PTPRD: variants seen among roughly 807,000 people sequenced by gnomAD.
PTPRD encodes the protein protein tyrosine phosphatase receptor type D.
PTPRD carries 34 observed loss-of-function variants against 214.5 expected under a neutral mutation model. The observed-to-expected ratio is 0.16, with a 90% CI of 0.12 to 0.21. PTPRD has a LOEUF of 0.21. Ranked by LOEUF, PTPRD falls within the 10% of genes least tolerant of loss-of-function variation. PTPRD has a pLI of 1.00. For synonymous variants in PTPRD, 1,128 were observed against 845.7 expected, an observed-to-expected ratio of 1.33 and a Z score of -5.79; for missense variants, 2,545 against 2,398.7, an observed-to-expected ratio of 1.06 and a Z score of -1.27.
At chr9:10,386,846 T>C (rs923501262) in intron 2 of PTPRD, among the ~76,000 whole-genome samples, 2 of 151,574 alleles carry the variant, frequency 1.3e-5, no homozygotes, top group African/African-American at 4.8e-5. Flanking sequence ...AGGGTGCAGG[T>C]GGAATTAAGG....
intron 11 of PTPRD, among the ~76,000 whole-genome samples, chr9:8,996,139 T>G (rs1050165789): frequency 2.0e-5 from 3 of 152,214 alleles, no homozygotes; most frequent in Admixed American, 2.0e-4. Flanking sequence ...GAAGAAAACT[T>G]AGGTTCTCAC....
intron 2 of PTPRD, among the ~76,000 whole-genome samples, chr9:10,449,398 C>T (rs1050008994): frequency 6.6e-6 from 1 of 151,898 alleles, no homozygotes; most frequent in African/African-American, 2.4e-5. Context: ...ACAACCTCCA[C>T]CTCCCAGCCG....
intron 11 of PTPRD, among the ~76,000 whole-genome samples, chr9:8,953,710 C>G (rs1368409365): frequency 6.6e-6 from 1 of 151,874 alleles, no homozygotes; most frequent in African/African-American, 2.4e-5. Context: ...CACTTCTTAA[C>G]AGAAGACATA....
chr9:9,294,583 C>T (rs1027818008), intron 9 of PTPRD, among the ~76,000 whole-genome samples: 6 of 151,596 alleles, frequency 4.0e-5, no homozygotes, highest in South Asian at 2.1e-4. Flanking sequence ...GACACCAGAG[C>T]GCTCTGTGTG....
intron 9 of PTPRD, among the ~76,000 whole-genome samples, chr9:9,196,030 G>A (rs1401642286): frequency 1.3e-5 from 2 of 152,084 alleles, no homozygotes; most frequent in Admixed American, 1.3e-4. Context: ...TAGTCCTCTG[G>A]ACATAAAGAT....
chr9:9,541,766 A>G (rs1324791440), intron 8 of PTPRD, among the ~76,000 whole-genome samples: 2 of 151,952 alleles, frequency 1.3e-5, no homozygotes, highest in South Asian at 2.1e-4. Context: ...CACGCAGAGA[A>G]TATTTCCAGA....
At chr9:9,602,194 G>GA (rs1474564712) in intron 7 of PTPRD, among the ~76,000 whole-genome samples, 8 of 151,830 alleles carry the variant, frequency 5.3e-5, no homozygotes, top group Non-Finnish European at 1.0e-4. Context: ...ACTTTTTGAA[G>GA]AAAACTATGT....
chr9:9,944,515 AT>A (rs1002490444), intron 4 of PTPRD, among the ~76,000 whole-genome samples: 6 of 152,042 alleles, frequency 3.9e-5, no homozygotes, highest in African/African-American at 1.4e-4. Flanking sequence ...TAATAAAAAG[AT>A]TTTTTTAATA....
intron 7 of PTPRD, among the ~76,000 whole-genome samples, chr9:9,625,161 G>C (rs954391611): frequency 6.6e-6 from 1 of 152,140 alleles, no homozygotes; most frequent in African/African-American, 2.4e-5. Context: ...CCTTATCCAG[G>C]ATTGTTTCCA....
intron 34 of PTPRD, among the ~76,000 whole-genome samples, chr9:8,440,208 T>G (rs1285941628): frequency 1.3e-5 from 2 of 152,064 alleles, no homozygotes; most frequent in Admixed American, 1.3e-4. Context: ...GCTTTAGTAC[T>G]CAGCTATTAT....
chr9:8,599,983 T>A (rs2094736847), intron 14 of PTPRD, among the ~76,000 whole-genome samples: 1 of 152,118 alleles, frequency 6.6e-6, no homozygotes, highest in Non-Finnish European at 1.5e-5. Context: ...TTTGATTTCA[T>A]ATTGTTGAAA....
chr9:9,732,279 G>C (rs1446899539), intron 7 of PTPRD, among the ~76,000 whole-genome samples: 1 of 151,914 alleles, frequency 6.6e-6, no homozygotes, highest in Non-Finnish European at 1.5e-5. Flanking sequence ...ATACTTAATT[G>C]TATAACTTGT....
At chr9:10,530,884 A>G (rs1302193733) in intron 2 of PTPRD, among the ~76,000 whole-genome samples, 2 of 152,166 alleles carry the variant, frequency 1.3e-5, no homozygotes, top group Non-Finnish European at 2.9e-5. Context: ...GATATTAGAA[A>G]AATGCCCTAT....
chr9:10,271,124 T>G (rs141133029), intron 3 of PTPRD, among the ~76,000 whole-genome samples: 8 of 152,284 alleles, frequency 5.3e-5, no homozygotes, highest in Admixed American at 4.6e-4. Flanking sequence ...GTGCCTGGCC[T>G]GGACCTAACA....
chr9:9,651,464 G>C (rs2096347504), intron 7 of PTPRD, among the ~76,000 whole-genome samples: 1 of 151,982 alleles, frequency 6.6e-6, no homozygotes, highest in Admixed American at 6.6e-5. Context: ...CTCATCATTT[G>C]GCTCCCACTT....
At chr9:9,969,556 TTC>T (rs1407403783) in intron 4 of PTPRD, among the ~76,000 whole-genome samples, 1 of 152,212 alleles carries the variant, frequency 6.6e-6, no homozygotes, top group Non-Finnish European at 1.5e-5. Context: ...CTTTCAGGAC[TTC>T]TCAGTCTAAT....
chr9:9,405,366 A>T (rs1435030382), intron 8 of PTPRD, among the ~76,000 whole-genome samples: 2 of 152,074 alleles, frequency 1.3e-5, no homozygotes, highest in African/African-American at 4.8e-5. Context: ...ACCAATTACC[A>T]TAGAAGTTGT....
intron 7 of PTPRD, among the ~76,000 whole-genome samples, chr9:9,678,107 T>G (rs556919528): frequency 1.3e-5 from 2 of 152,122 alleles, no homozygotes; most frequent in Admixed American, 1.3e-4. Flanking sequence ...TGCTCATGGG[T>G]AGGAAGAATC....
intron 10 of PTPRD, among the ~76,000 whole-genome samples, chr9:9,121,590 A>G (rs545118737): frequency 1.3e-5 from 2 of 152,294 alleles, no homozygotes; most frequent in Admixed American, 6.5e-5. Flanking sequence ...CAAACATTGT[A>G]TGTTCTCACT....
Sources: allele counts gnomAD v4.1 joint callset (sites outside exome capture counted in the v4.1 genomes callset), GRCh38; gene constraint gnomAD v4.1.1; transcripts MANE v1.5; gene names NCBI Gene and HGNC (gene_info 2026-07-23, HGNC 2026-07-21).